The following CFAP74 variants were observed in gnomAD, a reference collection of about 807,000 sequenced individuals.
CFAP74 encodes the protein cilia- and flagella-associated protein 74.
Under a neutral mutation model 188.9 loss-of-function variants are expected in CFAP74, and 124 were observed. That is an observed-to-expected ratio of 0.66 (90% confidence interval 0.57 to 0.76). The LOEUF (loss-of-function observed/expected upper bound fraction) is 0.76. Among genes scored for constraint, CFAP74 ranks in the 30% least tolerant of loss-of-function variants. CFAP74 has a pLI of 0.00. For missense variants in CFAP74, 2,198 were observed against 2,165.2 expected, an observed-to-expected ratio of 1.02 and a Z score of -0.30; for synonymous variants, 956 against 916.7, an observed-to-expected ratio of 1.04 and a Z score of -0.77.
At chr1:1,985,826 C>T (rs1242572014) in intron 5 of CFAP74, among the ~76,000 whole-genome samples, 3 of 152,232 alleles carry the variant, frequency 2.0e-5, no homozygotes, top group Admixed American at 6.5e-5. Context: ...CCCAAGCCCT[C>T]GCGTCAGGGC....
At chr1:1,993,534 C>G (rs1193515455) in intron 1 of CFAP74, among the ~76,000 whole-genome samples, 1 of 151,876 alleles carries the variant, frequency 6.6e-6, no homozygotes, top group African/African-American at 2.4e-5. Context: ...GATCCACCTG[C>G]CTTGGCCTTC....
At chr1:1,981,179 A>T (rs1656818832) in intron 6 of CFAP74, among the ~76,000 whole-genome samples, 1 of 152,214 alleles carries the variant, frequency 6.6e-6, no homozygotes. Context: ...TTCCAGAGGG[A>T]GGAGGCCTTG....
rs1655636481 is a variant in CFAP74 at position 1,968,477 on chromosome 1, T to C, written c.1245+158A>G. ...CGTAGTGTGTCTTGTCCCCTTGTCC[T>C]TGAGCTGAGTGGCGGCCACTCAGCG... is the stretch of plus-strand genomic sequence containing the variant. On this transcript the variant is annotated intron_variant, in intron 11 of 38. Transcript: ENST00000682832. This position sits in a 1 kb window ranked among gnomAD's most constrained non-coding sequence, Gnocchi z 4.3. Among the ~76,000 whole-genome samples the C allele has an allele frequency of 6.6e-6, 1 of 151,938 alleles. No homozygotes were observed. Among genetic ancestry groups the C allele is most frequent in the South Asian group, 2.1e-4 (1 of 4,822 alleles).
chr1:1,939,978 T>C (rs2803324), intron 23 of CFAP74, among the ~76,000 whole-genome samples: 127,558 of 152,192 alleles, frequency 0.84, 53,799 homozygotes, highest in African/African-American at 0.93. Context: ...GCTGAGAGCC[T>C]GCTGCAGGTG....
At position 1,999,299 on chromosome 1, in the gene CFAP74, G is replaced by A. The variant is rs564350063; in HGVS notation, c.-20+4402C>T. Among the ~76,000 whole-genome samples, 3 of 152,284 alleles carry A rather than the reference G, an allele frequency of 2.0e-5. No individual in the cohort carries two copies. The South Asian group carries it at 6.2e-4, about 32-fold the overall frequency. On this transcript the variant is annotated intron_variant, in intron 1 of 38. Coordinates refer to ENST00000682832, the MANE Select transcript of CFAP74 (RefSeq NM_001304360.2). ...AGGATAGAAGCAGGGTTGCTGAACA[G>A]CAGCCACGGAATGGACATCTTTGTC...
At chr1:1,971,603 C>A (rs1453779586) in intron 9 of CFAP74, among the ~76,000 whole-genome samples, 1 of 152,264 alleles carries the variant, frequency 6.6e-6, no homozygotes, top group African/African-American at 2.4e-5. Flanking sequence ...ACCTCTGAGC[C>A]TTTGCAGATG....
chr1:1,951,236 TTCAC>T (rs1377750389), intron 18 of CFAP74, among the ~76,000 whole-genome samples: 1 of 152,138 alleles, frequency 6.6e-6, no homozygotes, highest in Non-Finnish European at 1.5e-5. Flanking sequence ...CTCATGAGAA[TTCAC>T]TCACTATTAT....
At chr1:1,977,537 T>C (rs916141280) in intron 6 of CFAP74, among the ~76,000 whole-genome samples, 2 of 152,032 alleles carry the variant, frequency 1.3e-5, no homozygotes, top group Admixed American at 1.3e-4. Flanking sequence ...TGAACTGAAC[T>C]GAGAGGAGAA....
chr1:1,991,772 G>A (rs1005334380), intron 1 of CFAP74, among the ~76,000 whole-genome samples: 4 of 152,156 alleles, frequency 2.6e-5, no homozygotes, highest in African/African-American at 4.8e-5. Flanking sequence ...GGGCGTGGTG[G>A]CTCACACCTG....
intron 18 of CFAP74, among the ~76,000 whole-genome samples, chr1:1,952,232 C>T (rs1244196832): frequency 6.6e-6 from 1 of 151,932 alleles, no homozygotes; most frequent in Non-Finnish European, 1.5e-5. Context: ...GGATTACAGG[C>T]GTGAGCCACT....
At chr1:1,993,760 A>G (rs77149931) in intron 1 of CFAP74, among the ~76,000 whole-genome samples, 2 of 52,886 alleles carry the variant, frequency 3.8e-5, no homozygotes, top group East Asian at 5.6e-4. Context: ...AGGCAGGTGG[A>G]TCACGAGGTC....
At chr1:1,928,484 G>A (rs987900129) in intron 27 of CFAP74, among the ~76,000 whole-genome samples, 34 of 152,326 alleles carry the variant, frequency 2.2e-4, no homozygotes, top group Non-Finnish European at 1.2e-4. Context: ...GGGCCTCCAG[G>A]TTGTTGGAGG....
intron 25 of CFAP74, among the ~76,000 whole-genome samples, chr1:1,934,599 GTGTA>G (rs916445193): frequency 1.6e-4 from 24 of 150,922 alleles, no homozygotes; most frequent in Admixed American, 4.6e-4. Flanking sequence ...AGGTACACGT[GTGTA>G]TGTGTGTGTG....
chr1:1,955,055 G>A (rs1654467259), intron 18 of CFAP74: 9 of 1,267,548 alleles, frequency 7.1e-6, no homozygotes, highest in South Asian at 1.3e-5. Flanking sequence ...GGCTCACACC[G>A]GAAGTGCGGC....
Position 1,923,520 on chromosome 1 carries a change from GGCCTT to G in CFAP74, c.4390-26_4390-22del, listed in dbSNP as rs759008299. On this transcript the variant is annotated intron_variant, in intron 35 of 38. Transcript: ENST00000682832. The surrounding 1 kb of genome is among the most constrained non-coding windows in gnomAD (Gnocchi z 6.3). ...ATTTTCTGGGGACAAGAAGTGGAGT[GGCCTT>G]GTCCCCGAAGCTCGGCGGCAGGGGT... 2.5e-6 allele frequency: 4 copies of G among 1,599,092 alleles called. No individual in the cohort carries two copies.
intron 6 of CFAP74, among the ~76,000 whole-genome samples, chr1:1,974,407 T>C (rs563785718): frequency 6.6e-6 from 1 of 152,006 alleles, no homozygotes; most frequent in Non-Finnish European, 1.5e-5. Context: ...TCACTATGGG[T>C]TCAATCCAGC....
intron 10 of CFAP74, 137 bp downstream of exon 10, chr1:1,970,522 G>A (rs1031942553): frequency 4.1e-5 from 39 of 955,020 alleles, no homozygotes; most frequent in South Asian, 1.5e-4. Flanking sequence ...CCCTGTTCCC[G>A]TGCCCCACAG....
chr1:1,991,815 G>A lies in CFAP74; in HGVS notation c.-19-840C>T, dbSNP rs577671279. Among the ~76,000 whole-genome samples, 716 of 152,118 alleles carry A rather than the reference G, an allele frequency of 4.7e-3. 7 individuals are homozygous for A. The highest frequency in any genetic ancestry group is 0.014 in the African/African-American group (600 of 41,494). ...AGCACTTTGGGAGGCCAAGGTGGGC[G>A]GATCACGAGGTCAGGAGATCGAGAC... is the stretch of plus-strand genomic sequence containing the variant. On this transcript the variant is annotated intron_variant, in intron 1 of 38. Transcript: ENST00000682832.
intron 1 of CFAP74, among the ~76,000 whole-genome samples, chr1:1,996,649 G>A (rs1169845309): frequency 1.3e-5 from 2 of 152,102 alleles, no homozygotes; most frequent in Non-Finnish European, 2.9e-5. Context: ...GGCCGGGTGC[G>A]GGCGCTCATG....
Sources: gnomAD v4.1 joint callset for allele counts (sites outside exome capture counted in the v4.1 genomes callset) on GRCh38, gnomAD v4.1.1 for gene constraint, Gnocchi (gnomAD v3.1) non-coding constraint, MANE v1.5 for transcripts, NCBI Gene and HGNC (gene_info 2026-07-23, HGNC 2026-07-21) for gene names.